NAA38: variants seen among roughly 807,000 people sequenced by gnomAD.
The protein encoded by NAA38 is LSM domain containing 1.
In NAA38, 15 loss-of-function variants were observed where a neutral mutation model predicts 12.6. The observed-to-expected ratio is 1.19, with a 90% CI of 0.79 to 1.83. The LOEUF (loss-of-function observed/expected upper bound fraction) is 1.83, where lower values mean the gene tolerates loss of function less well. NAA38 is among the 40% of genes most tolerant of loss of function. The probability of loss-of-function intolerance (pLI) is 0.00; values close to 1 mark genes in which losing one functional copy is unlikely to be tolerated. For synonymous variants in NAA38, 88 were observed against 69.9 expected, an observed-to-expected ratio of 1.26 and a Z score of -1.29; for missense variants, 183 against 171.7, an observed-to-expected ratio of 1.07 and a Z score of -0.37.
At chr17:7,883,764 ATC>A (rs1335984732) in intron 1 of NAA38, among the ~76,000 whole-genome samples, 1 of 152,040 alleles carries the variant, frequency 6.6e-6, no homozygotes, top group Admixed American at 6.6e-5. Flanking sequence ...CATATATTTC[ATC>A]TTTTTCCTTT....
intron 3 of NAA38, chr17:7,865,872 C>T (rs1966960855): frequency 6.6e-6 from 1 of 152,064 alleles, no homozygotes; most frequent in Non-Finnish European, 1.5e-5. Flanking sequence ...TTCTTGAAAG[C>T]CTAGGTTGGA....
At chr17:7,878,364 TA>T (rs1239752060) in intron 2 of NAA38, among the ~76,000 whole-genome samples, 1 of 149,372 alleles carries the variant, frequency 6.7e-6, no homozygotes, top group Non-Finnish European at 1.5e-5. Context: ...TTTTAGATTT[TA>T]ATGATCAATA....
At chr17:7,877,482 C>A (rs573740049) in intron 2 of NAA38, among the ~76,000 whole-genome samples, 46 of 149,648 alleles carry the variant, frequency 3.1e-4, no homozygotes, top group African/African-American at 1.1e-3. Context: ...TAATGGCCTG[C>A]GACACAGCCC....
At chr17:7,877,027 T>A in intron 2 of NAA38, 1 of 370,246 alleles carries the variant, frequency 2.7e-6, no homozygotes. Context: ...ATCTACTGAT[T>A]GTACTTTGCT....
chr17:7,884,926 C>G, intron 1 of NAA38: 4 of 1,399,098 alleles, frequency 2.9e-6, no homozygotes, highest in South Asian at 1.5e-5. Context: ...AGGCGGCCGA[C>G]GAGGACGATG....
upstream of NAA38, chr17:7,859,342 A>G: frequency 6.5e-7 from 1 of 1,539,400 alleles, no homozygotes. Context: ...TGTATACTCC[A>G]TCCAGAATTC....
chr17:7,865,009 T>G (rs1446771510), intron 3 of NAA38: 3 of 152,148 alleles, frequency 2.0e-5, no homozygotes, highest in South Asian at 4.1e-4. Flanking sequence ...TTTAGGAGCA[T>G]TTTGGGTGTT....
chr17:7,856,858 C>CTGGAA lies in NAA38; in HGVS notation c.266-16_266-15insTTCCA. The stretch of plus-strand genomic sequence containing the variant: ...AGAGAAGGAATCTGGAAAGAAGGAT[C>CTGGAA]AGAGCATCAGGAAAGTAGGCCAGAA... On this transcript the variant is annotated splice_polypyrimidine_tract_variant and intron_variant, in intron 2 of 2. Coordinates refer to ENST00000575771, the MANE Select transcript of NAA38 (RefSeq NM_001320925.4). 1 of 1,612,742 alleles carries CTGGAA rather than the reference C, an allele frequency of 6.2e-7. No individual in the cohort carries two copies. The highest frequency in any genetic ancestry group is 1.3e-5 in the African/African-American group (1 of 75,040).
upstream of NAA38, chr17:7,861,350 T>G (rs758697132): frequency 2.6e-5 from 4 of 152,144 alleles, no homozygotes; most frequent in Non-Finnish European, 5.9e-5. Context: ...GTATCTGAAT[T>G]TACTGTGAGA....
At chr17:7,873,462 C>T (rs1376958144) in intron 2 of NAA38, among the ~76,000 whole-genome samples, 1 of 152,150 alleles carries the variant, frequency 6.6e-6, no homozygotes, top group Non-Finnish European at 1.5e-5. Context: ...GGGAAGTAGA[C>T]ACTGAGGGCA....
chr17:7,866,253 A>ATT (rs56289148), intron 3 of NAA38, among the ~76,000 whole-genome samples: 4,086 of 90,154 alleles, frequency 0.045, 331 homozygotes, highest in African/African-American at 0.13. Context: ...AGCCCGGCTA[A>ATT]TTTTTTTTTT....
At chr17:7,882,616 AAGG>A (rs991394783) in intron 2 of NAA38, among the ~76,000 whole-genome samples, 4 of 152,292 alleles carry the variant, frequency 2.6e-5, no homozygotes, top group East Asian at 3.9e-4. Context: ...AAAACTGGAA[AAGG>A]AGGAGGAGTT....
At chr17:7,884,988 G>C in intron 1 of NAA38, 2 of 1,243,088 alleles carry the variant, frequency 1.6e-6, no homozygotes, top group East Asian at 3.3e-5. Flanking sequence ...CACGACCGGG[G>C]CCGCGACCGC....
chr17:7,885,089 C>CG (rs1967570441), intron 1 of NAA38: 1 of 984,180 alleles, frequency 1.0e-6, no homozygotes, highest in African/African-American at 1.8e-5. Flanking sequence ...GCCAGGTAAG[C>CG]GCCCGCCCCG....
intron 1 of NAA38, chr17:7,883,368 G>A (rs974294666): frequency 1.3e-5 from 2 of 152,040 alleles, no homozygotes; most frequent in African/African-American, 2.4e-5. Flanking sequence ...ATAATTTCAC[G>A]ATCTTCAGAT....
intron 3 of NAA38, chr17:7,866,431 C>G: frequency 8.2e-7 from 1 of 1,217,540 alleles, no homozygotes; most frequent in Non-Finnish European, 1.0e-6. Context: ...TTTAAAGTTC[C>G]CATGTTAAAA....
At chr17:7,870,492 G>A (rs893278708) in intron 2 of NAA38, among the ~76,000 whole-genome samples, 7 of 152,130 alleles carry the variant, frequency 4.6e-5, no homozygotes, top group Non-Finnish European at 5.9e-5. Flanking sequence ...TCTTTTAATC[G>A]AAAAGATATA....
upstream of NAA38, chr17:7,858,424 T>A (rs1567812645): frequency 1.2e-6 from 2 of 1,614,086 alleles, no homozygotes; most frequent in East Asian, 4.5e-5. Flanking sequence ...CTGAAACCCA[T>A]CGTGGAAGTT....
At position 7,880,846 on chromosome 17, in the gene NAA38, T is replaced by G. The variant is rs559491725; in HGVS notation, c.-66+2389A>C. 3.3e-5 allele frequency among the ~76,000 whole-genome samples: 5 copies of G among 152,064 alleles called. No homozygotes were observed. In the South Asian group the frequency reaches 1.0e-3, roughly 32 times the overall value. On this transcript the variant is annotated intron_variant, in intron 2 of 4. Coordinates refer to the NAA38 transcript ENST00000576861. ...CAGAGTAGACTACATTTGGAGAGAG[T>G]AAAGCCTTCCTGAGCACTCCTCAAG... is the stretch of plus-strand genomic sequence containing the variant.
Sources: allele counts gnomAD v4.1 joint callset (sites outside exome capture counted in the v4.1 genomes callset), GRCh38; gene constraint gnomAD v4.1.1; transcripts MANE v1.5; gene names NCBI Gene and HGNC (gene_info 2026-07-23, HGNC 2026-07-21).